Variants in HS6ST3 observed in about 807,000 individuals in gnomAD.
HS6ST3 encodes heparan sulfate 6-O-sulfotransferase 3.
Under a neutral mutation model 36.7 loss-of-function variants are expected in HS6ST3, and 12 were observed. That is an observed-to-expected ratio of 0.33 (90% CI 0.21 to 0.53). The LOEUF (loss-of-function observed/expected upper bound fraction) is 0.53. HS6ST3 is among the 20% of genes least tolerant of loss of function. The pLI is 0.95. For missense variants in HS6ST3, 584 were observed against 640.9 expected (o/e 0.91, Z 0.96); for synonymous variants, 240 against 257.5 (o/e 0.93, Z 0.65).
At chr13:96,656,066 A>G (rs1024343553) in intron 1 of HS6ST3, among the ~76,000 whole-genome samples, 12 of 152,178 alleles carry the variant, frequency 7.9e-5, no homozygotes, top group Non-Finnish European at 1.8e-4. Context: ...AGAGCTTCCA[A>G]TTTAGACTAG....
intron 1 of HS6ST3, among the ~76,000 whole-genome samples, chr13:96,460,993 G>T (rs570288084): frequency 1.3e-5 from 2 of 152,310 alleles, no homozygotes; most frequent in East Asian, 3.9e-4. Context: ...AATTGTCTGC[G>T]ATTTACATAA....
chr13:96,555,812 A>T (rs1465395872), intron 1 of HS6ST3, among the ~76,000 whole-genome samples: 1 of 152,174 alleles, frequency 6.6e-6, no homozygotes. Flanking sequence ...TGGTTCTTAA[A>T]AAAAAAAACT....
chr13:96,254,529 T>G (rs2054627797), intron 1 of HS6ST3, among the ~76,000 whole-genome samples: 1 of 131,866 alleles, frequency 7.6e-6, no homozygotes, highest in African/African-American at 2.9e-5. Context: ...ACTTTTTTCT[T>G]TTCACACTTA....
In HS6ST3 at chr13:96,112,592, T is replaced by TAC. The variant is rs1566884925; in HGVS notation, c.707+21024_707+21025insCA. Among the ~76,000 whole-genome samples the TAC allele has an allele frequency of 2.1e-4, 13 of 61,718 alleles. 1 individual carries two copies. The highest frequency in any genetic ancestry group is 6.9e-4 in the African/African-American group (13 of 18,858). 40.5% of individuals were successfully genotyped at this position (61,718 alleles called of 152,430 possible). On this transcript the variant is annotated intron_variant, in intron 1 of 1. Coordinates refer to ENST00000376705, the MANE Select transcript of HS6ST3 (RefSeq NM_153456.4). ...TAAAATAAATAAATATATATATATA[T>TAC]ATATATATATATATATATATATATA...
intron 1 of HS6ST3, among the ~76,000 whole-genome samples, chr13:96,138,110 G>A (rs2054011597): frequency 6.6e-6 from 1 of 152,094 alleles, no homozygotes; most frequent in Non-Finnish European, 1.5e-5. Flanking sequence ...TTTAGTGGAG[G>A]TTTTAGTAAA....
chr13:96,403,643 A>T (rs576099493), intron 1 of HS6ST3, among the ~76,000 whole-genome samples: 10 of 152,344 alleles, frequency 6.6e-5, no homozygotes, highest in African/African-American at 2.4e-4. Context: ...TGGTTATTTG[A>T]AGCAACTATT....
intron 1 of HS6ST3, among the ~76,000 whole-genome samples, chr13:96,617,662 G>A (rs2056479360): frequency 6.6e-6 from 1 of 152,212 alleles, no homozygotes; most frequent in African/African-American, 2.4e-5. Flanking sequence ...TGAACAGGAT[G>A]CTAGAATTAA....
chr13:96,648,206 A>G (rs2056595348), intron 1 of HS6ST3, among the ~76,000 whole-genome samples: 1 of 152,068 alleles, frequency 6.6e-6, no homozygotes, highest in Non-Finnish European at 1.5e-5. Flanking sequence ...AATATTCACC[A>G]GCACAACACA....
chr13:96,299,012 C>G (rs991025105), intron 1 of HS6ST3, among the ~76,000 whole-genome samples: 1 of 151,840 alleles, frequency 6.6e-6, no homozygotes, highest in East Asian at 1.9e-4. Context: ...TTAAAGGTAC[C>G]CTGTTTCAGT....
intron 1 of HS6ST3, among the ~76,000 whole-genome samples, chr13:96,686,970 G>A (rs1874797650): frequency 6.6e-6 from 1 of 151,978 alleles, no homozygotes; most frequent in Non-Finnish European, 1.5e-5. Context: ...ACTTAGTGGA[G>A]ATAAAAGCAC....
intron 1 of HS6ST3, among the ~76,000 whole-genome samples, chr13:96,341,621 C>T (rs755841965): frequency 6.6e-6 from 1 of 152,072 alleles, no homozygotes; most frequent in Non-Finnish European, 1.5e-5. Flanking sequence ...TGTGACATAA[C>T]TACCTGGGGT....
At chr13:96,393,460 T>C (rs2139453141) in intron 1 of HS6ST3, among the ~76,000 whole-genome samples, 1 of 152,350 alleles carries the variant, frequency 6.6e-6, no homozygotes. Flanking sequence ...TTTTATAACC[T>C]GAATCCTTTC....
chr13:96,213,237 T>A (rs138317350), intron 1 of HS6ST3, among the ~76,000 whole-genome samples: 1 of 152,306 alleles, frequency 6.6e-6, no homozygotes, highest in East Asian at 1.9e-4. Flanking sequence ...TTTCATAGAG[T>A]TTCTATCATG....
chr13:96,528,814 T>C (rs1297600570), intron 1 of HS6ST3, among the ~76,000 whole-genome samples: 1 of 152,174 alleles, frequency 6.6e-6, no homozygotes, highest in African/African-American at 2.4e-5. Context: ...TTTCTTTACA[T>C]CCTTCAGTGA....
At chr13:96,693,154 G>A (rs1366402012) in intron 1 of HS6ST3, among the ~76,000 whole-genome samples, 1 of 152,006 alleles carries the variant, frequency 6.6e-6, no homozygotes, top group Non-Finnish European at 1.5e-5. Flanking sequence ...TATAGGTGAT[G>A]GGTAAAAAAG....
chr13:96,587,293 G>T (rs1234379410), intron 1 of HS6ST3, among the ~76,000 whole-genome samples: 2 of 151,528 alleles, frequency 1.3e-5, no homozygotes, highest in African/African-American at 4.9e-5. Flanking sequence ...TTTTTTGTAG[G>T]TTCCACATAA....
At chr13:96,705,042 T>A (rs749118423) in intron 1 of HS6ST3, among the ~76,000 whole-genome samples, 4 of 152,230 alleles carry the variant, frequency 2.6e-5, no homozygotes, top group African/African-American at 4.8e-5. Flanking sequence ...CCTGCCCTCC[T>A]GTGTATGTAT....
rs1246791159 is a variant in HS6ST3 at position 96,109,312 on chromosome 13, G to A, written c.707+17743G>A. Among the ~76,000 whole-genome samples, 4 of 152,168 alleles carry A rather than the reference G, an allele frequency of 2.6e-5. No homozygotes were observed. The East Asian group carries it at 5.8e-4, about 22-fold the overall frequency. On this transcript the variant is annotated intron_variant, in intron 1 of 1. Transcript: ENST00000376705. ...GAAACCAACTGTGACTCAGCAGATCGTATGTCAGTGTGTGAGTGGATAGGT... is the reference window on the plus strand; with the variant it reads ...GAAACCAACTGTGACTCAGCAGATCATATGTCAGTGTGTGAGTGGATAGGT...
At chr13:96,799,964 G>GTATATATATATATA (rs1878010736) in intron 1 of HS6ST3, among the ~76,000 whole-genome samples, 32 of 55,304 alleles carry the variant, frequency 5.8e-4, no homozygotes, top group Admixed American at 2.2e-3. Flanking sequence ...ATATATATAT[G>GTATATATATATATA]TGTATATATA....
Sources: gnomAD v4.1 joint callset for allele counts (sites outside exome capture counted in the v4.1 genomes callset) on GRCh38, gnomAD v4.1.1 for gene constraint, MANE v1.5 for transcripts, NCBI Gene and HGNC (gene_info 2026-07-23, HGNC 2026-07-21) for gene names.